The following RBFOX1 variants were observed in gnomAD, a reference collection of about 807,000 sequenced individuals.
The protein encoded by RBFOX1 is RNA binding fox-1 homolog 1, also known as RNA binding protein fox-1 homolog 1.
In RBFOX1, 8 loss-of-function variants were observed where a neutral mutation model predicts 57.7. That is an observed-to-expected ratio of 0.14 (90% CI 0.08 to 0.25). The LOEUF (loss-of-function observed/expected upper bound fraction) is 0.25. Ranked by LOEUF, RBFOX1 falls within the 10% of genes least tolerant of loss-of-function variation. The pLI is 1.00. For missense variants in RBFOX1, 611 were observed against 548.5 expected (o/e 1.11, Z -1.14); for synonymous variants, 326 against 222.4 (o/e 1.47, Z -4.15).
chr16:7,346,635 G>A (rs1010417398), intron 4 of RBFOX1, among the ~76,000 whole-genome samples: 1 of 151,862 alleles, frequency 6.6e-6, no homozygotes, highest in Non-Finnish European at 1.5e-5. Flanking sequence ...TGGCCCACGG[G>A]CATTGCTTCG....
At chr16:5,817,663 G>A (rs547336345) in intron 3 of RBFOX1, among the ~76,000 whole-genome samples, 4 of 151,684 alleles carry the variant, frequency 2.6e-5, no homozygotes, top group African/African-American at 4.8e-5. Context: ...TGGAGATGCC[G>A]ACAGGGTGCC....
intron 3 of RBFOX1, among the ~76,000 whole-genome samples, chr16:5,785,337 A>C (rs1567538648): frequency 1.3e-5 from 2 of 152,134 alleles, no homozygotes. Context: ...AGCTGGCTCA[A>C]AACTATCCAA....
At chr16:6,623,023 A>C (rs776577074) in intron 2 of RBFOX1, among the ~76,000 whole-genome samples, 2 of 152,194 alleles carry the variant, frequency 1.3e-5, no homozygotes, top group Non-Finnish European at 2.9e-5. Context: ...ATCTTTTACA[A>C]AGCCTCTTTG....
chr16:7,058,381 T>C lies in RBFOX1; in HGVS notation c.27+6283T>C, dbSNP rs554142441. The stretch of plus-strand genomic sequence containing the variant: ...TGAGAGCCTCCAGCCCCAGAGCATC[T>C]CTTTGCACTTTGAAAACATTGTTTG... On this transcript the variant is annotated intron_variant, in intron 4 of 15. Coordinates refer to ENST00000550418, the MANE Select transcript of RBFOX1 (RefSeq NM_018723.4). Among the ~76,000 whole-genome samples the C allele has an allele frequency of 6.6e-5, 10 of 152,170 alleles. No homozygotes were observed. The South Asian group carries it at 1.2e-3, about 19-fold the overall frequency.
chr16:6,201,108 C>G (rs1004633901), intron 1 of RBFOX1, among the ~76,000 whole-genome samples: 2 of 152,032 alleles, frequency 1.3e-5, no homozygotes, highest in Non-Finnish European at 2.9e-5. Context: ...CCCTCCAGTT[C>G]CACCCATGTT....
chr16:5,370,488 A>T (rs1450737499), intron 1 of RBFOX1, among the ~76,000 whole-genome samples: 34 of 147,578 alleles, frequency 2.3e-4, no homozygotes, highest in African/African-American at 7.0e-4. Context: ...GCTTTTTACA[A>T]AATTATTATT....
intron 1 of RBFOX1, among the ~76,000 whole-genome samples, chr16:6,071,895 G>A (rs1025909262): frequency 1.8e-4 from 27 of 152,270 alleles, no homozygotes; most frequent in African/African-American, 6.5e-4. Flanking sequence ...GTTCATAAAT[G>A]TACAAATGTC....
intron 3 of RBFOX1, among the ~76,000 whole-genome samples, chr16:5,770,973 C>G (rs913312225): frequency 6.6e-6 from 1 of 152,166 alleles, no homozygotes; most frequent in Non-Finnish European, 1.5e-5. Context: ...TCTCTGGCCA[C>G]GACCCTTTTT....
intron 1 of RBFOX1, among the ~76,000 whole-genome samples, chr16:6,159,801 A>T (rs2096864693): frequency 6.6e-6 from 1 of 152,242 alleles, no homozygotes; most frequent in African/African-American, 2.4e-5. Context: ...AAAATGACAG[A>T]AGACTGACTT....
intron 3 of RBFOX1, among the ~76,000 whole-genome samples, chr16:6,808,381 A>G (rs2087493428): frequency 1.3e-5 from 2 of 151,892 alleles, no homozygotes; most frequent in Non-Finnish European, 1.5e-5. Context: ...TCAATGCCTA[A>G]AGTATTGCTT....
At chr16:6,156,945 T>A (rs1005966389) in intron 1 of RBFOX1, among the ~76,000 whole-genome samples, 11 of 152,118 alleles carry the variant, frequency 7.2e-5, no homozygotes, top group Admixed American at 7.2e-4. Flanking sequence ...GCTCACGTGA[T>A]CCTCCCACCT....
At chr16:5,332,690 A>G (rs1435070328) in intron 1 of RBFOX1, among the ~76,000 whole-genome samples, 1 of 150,938 alleles carries the variant, frequency 6.6e-6, no homozygotes, top group Non-Finnish European at 1.5e-5. Flanking sequence ...TTCATTTTTC[A>G]CTCCCTTATA....
At chr16:6,274,745 G>C (rs1172801105) in intron 1 of RBFOX1, among the ~76,000 whole-genome samples, 1 of 152,126 alleles carries the variant, frequency 6.6e-6, no homozygotes, top group Non-Finnish European at 1.5e-5. Flanking sequence ...TATGAATCTA[G>C]AATTATCTCA....
intron 2 of RBFOX1, among the ~76,000 whole-genome samples, chr16:6,561,857 G>C (rs774904016): frequency 1.3e-5 from 2 of 152,118 alleles, no homozygotes; most frequent in Non-Finnish European, 2.9e-5. Flanking sequence ...TCCACAAGTT[G>C]GATTCTGGTG....
At chr16:5,894,769 C>T (rs1036915843) in intron 4 of RBFOX1, among the ~76,000 whole-genome samples, 2 of 152,102 alleles carry the variant, frequency 1.3e-5, no homozygotes, top group African/African-American at 4.8e-5. Flanking sequence ...CGCCTGTAAT[C>T]CCAGCACTTT....
At chr16:6,882,416 G>T (rs891687742) in intron 3 of RBFOX1, among the ~76,000 whole-genome samples, 1 of 151,966 alleles carries the variant, frequency 6.6e-6, no homozygotes, top group African/African-American at 2.4e-5. Flanking sequence ...CCAACATGAT[G>T]AAACCCCATC....
intron 1 of RBFOX1, among the ~76,000 whole-genome samples, chr16:5,466,681 C>T (rs1384203257): frequency 2.0e-5 from 3 of 152,194 alleles, no homozygotes; most frequent in African/African-American, 7.2e-5. Context: ...TCCCTGCCTG[C>T]CTCCTTGACA....
chr16:5,722,902 T>C (rs954727685), intron 3 of RBFOX1, among the ~76,000 whole-genome samples: 3 of 152,218 alleles, frequency 2.0e-5, no homozygotes, highest in African/African-American at 7.2e-5. Flanking sequence ...CTGTGTTTTC[T>C]TTTGTGGAAG....
intron 1 of RBFOX1, among the ~76,000 whole-genome samples, chr16:6,299,192 C>A (rs2078497181): frequency 1.3e-5 from 2 of 152,164 alleles, no homozygotes; most frequent in African/African-American, 4.8e-5. Flanking sequence ...ATGCAAGTGT[C>A]CGATGCAGGG....
Sources: gnomAD v4.1 joint callset for allele counts (sites outside exome capture counted in the v4.1 genomes callset) on GRCh38, gnomAD v4.1.1 for gene constraint, MANE v1.5 for transcripts, NCBI Gene and HGNC (gene_info 2026-07-23, HGNC 2026-07-21) for gene names.